CNKSR3: variants seen among roughly 807,000 people sequenced by gnomAD.
The protein encoded by CNKSR3 is connector enhancer of kinase suppressor of ras 3.
Under a neutral mutation model 67.7 loss-of-function variants are expected in CNKSR3, and 36 were observed. That is an observed-to-expected ratio of 0.53 (90% CI 0.41 to 0.70). The LOEUF (loss-of-function observed/expected upper bound fraction) is 0.70. CNKSR3 is among the 30% of genes least tolerant of loss of function. The probability of loss-of-function intolerance (pLI) is 0.00; values close to 1 mark genes in which losing one functional copy is unlikely to be tolerated. For missense variants in CNKSR3, 630 were observed against 695.2 expected (o/e 0.91, Z 1.05); for synonymous variants, 281 against 271.4 (o/e 1.04, Z -0.35).
At chr6:154,435,231 G>A (rs1785447802) in intron 4 of CNKSR3, among the ~76,000 whole-genome samples, 1 of 152,014 alleles carries the variant, frequency 6.6e-6, no homozygotes, top group Admixed American at 6.6e-5. Context: ...CTAGACTCAA[G>A]CCATCCACCT....
At chr6:154,455,751 C>G (rs866277031) in intron 1 of CNKSR3, among the ~76,000 whole-genome samples, 2 of 152,092 alleles carry the variant, frequency 1.3e-5, no homozygotes, top group South Asian at 4.1e-4. Context: ...AAATAAGCAA[C>G]TAAACTATTG....
At chr6:154,448,368 A>G (rs1016065110) in intron 2 of CNKSR3, among the ~76,000 whole-genome samples, 8 of 150,710 alleles carry the variant, frequency 5.3e-5, no homozygotes, top group Middle Eastern at 3.4e-3. Context: ...CAAAACATCA[A>G]GCAGAAAAGA....
At chr6:154,428,299 A>G in intron 6 of CNKSR3, 112 bp from the exon 7 acceptor site, 1 of 700,524 alleles carries the variant, frequency 1.4e-6, no homozygotes, top group South Asian at 1.7e-5. Flanking sequence ...AACAATACTC[A>G]TTTTTCAGCC....
chr6:154,472,796 TA>T (rs923589117), intron 1 of CNKSR3, among the ~76,000 whole-genome samples: 2 of 77,624 alleles, frequency 2.6e-5, no homozygotes, highest in African/African-American at 6.2e-5. Flanking sequence ...AGTACATCTT[TA>T]AAAGGAAAAA....
chr6:154,488,091 A>T (rs1786715062), intron 1 of CNKSR3, among the ~76,000 whole-genome samples: 1 of 152,234 alleles, frequency 6.6e-6, no homozygotes, highest in Non-Finnish European at 1.5e-5. Context: ...AACTAGCAAT[A>T]ACAACGATAA....
rs1787188575 is a variant in CNKSR3 at position 154,510,225 on chromosome 6, C to T, written c.-111G>A. 1 of 1,276,726 alleles carries T rather than the reference C, an allele frequency of 7.8e-7. No individual in the cohort carries two copies. Among genetic ancestry groups the T allele is most frequent in the Non-Finnish European group, 1.1e-6 (1 of 891,800 alleles). The allele number at this position is 1,276,726 out of a possible 1,614,324, so 79.1% of individuals were successfully genotyped here. A position where few individuals can be genotyped will look rare whatever the true frequency, so the allele number is the denominator to read the frequency against. ...GCGCCCGCGGCTGCTCCCCTGCGCC[C>T]GAGCGACTCCGTCAAGACTGCATGG... On this transcript the variant is annotated 5_prime_UTR_variant, in exon 1 of 13. Transcript: ENST00000607772.
intron 12 of CNKSR3, among the ~76,000 whole-genome samples, chr6:154,408,749 T>C (rs1009744570): frequency 6.6e-6 from 1 of 152,206 alleles, no homozygotes; most frequent in Non-Finnish European, 1.5e-5. Context: ...CCTGACTGTA[T>C]ATTTTAAAAA....
intron 9 of CNKSR3, among the ~76,000 whole-genome samples, chr6:154,420,313 G>A (rs940709819): frequency 6.6e-6 from 1 of 152,124 alleles, no homozygotes; most frequent in East Asian, 1.9e-4. Flanking sequence ...GGGGAATCCT[G>A]GTCAAAGGGT....
chr6:154,470,808 G>A (rs1425042888), intron 1 of CNKSR3, among the ~76,000 whole-genome samples: 2 of 152,178 alleles, frequency 1.3e-5, no homozygotes, highest in Non-Finnish European at 2.9e-5. Context: ...ACCTAGGAGT[G>A]GAACTGTTGA....
At chr6:154,463,107 T>C (rs1786116772) in intron 1 of CNKSR3, among the ~76,000 whole-genome samples, 2 of 151,716 alleles carry the variant, frequency 1.3e-5, no homozygotes, top group South Asian at 4.2e-4. Flanking sequence ...TTTCTTTTTT[T>C]CTTTCCTTTT....
intron 8 of CNKSR3, 79 bp from the exon 9 acceptor site, chr6:154,422,731 C>T: frequency 6.7e-7 from 1 of 1,498,374 alleles, no homozygotes; most frequent in Non-Finnish European, 9.3e-7. Context: ...TATCTCAGGG[C>T]AGTCAGGGTT....
intron 2 of CNKSR3, among the ~76,000 whole-genome samples, chr6:154,444,870 G>T (rs1562336002): frequency 6.6e-6 from 1 of 152,126 alleles, no homozygotes; most frequent in Non-Finnish European, 1.5e-5. Context: ...CTCCCAAAGT[G>T]CTGGGATTAC....
chr6:154,466,782 G>A (rs1402064290), intron 1 of CNKSR3, among the ~76,000 whole-genome samples: 1 of 133,742 alleles, frequency 7.5e-6, no homozygotes, highest in African/African-American at 3.1e-5. Context: ...ATCACGCCCA[G>A]CTAATTTTTT....
chr6:154,437,409 TC>T (rs1785493181), intron 4 of CNKSR3, among the ~76,000 whole-genome samples: 3 of 127,680 alleles, frequency 2.3e-5, no homozygotes, highest in African/African-American at 8.8e-5. Context: ...GCACCTATGT[TC>T]TTTTTTTTTT....
chr6:154,474,784 G>C (rs888656642), intron 1 of CNKSR3, among the ~76,000 whole-genome samples: 2 of 152,144 alleles, frequency 1.3e-5, no homozygotes, highest in African/African-American at 4.8e-5. Flanking sequence ...CAAGGGTTTG[G>C]ACCAGGTTCA....
At chr6:154,445,496 C>T (rs1030063452) in intron 2 of CNKSR3, among the ~76,000 whole-genome samples, 1 of 152,196 alleles carries the variant, frequency 6.6e-6, no homozygotes, top group Non-Finnish European at 1.5e-5. Flanking sequence ...CATTCGGTCA[C>T]TCAGCCTGCC....
rs575155684 is a variant in CNKSR3, at chr6:154,507,672, T to G, written c.52+2391A>C. ...ACGTATCCAGGTCTTTCTACTAAGC[T>G]GTATTTCAGGGTCCAAAAGGGCACA... On this transcript the variant is annotated intron_variant, in intron 1 of 12. Coordinates refer to ENST00000607772, the MANE Select transcript of CNKSR3 (RefSeq NM_173515.4). Among the ~76,000 whole-genome samples the G allele has an allele frequency of 3.8e-4, 58 of 152,300 alleles. No individual in the cohort carries two copies. In the South Asian group the frequency reaches 0.011, roughly 28 times the overall value.
intron 1 of CNKSR3, among the ~76,000 whole-genome samples, chr6:154,462,032 C>T (rs1786091156): frequency 6.6e-6 from 1 of 152,232 alleles, no homozygotes; most frequent in African/African-American, 2.4e-5. Flanking sequence ...GCAGGTTTGC[C>T]AGGCAGCATT....
rs1784587869 is a variant in CNKSR3 at position 154,389,869 on chromosome 6, A to G, written c.*16485T>C. On this transcript the variant is annotated 3_prime_UTR_variant, in exon 13 of 13. Transcript: ENST00000607772. ...GAGGTGAAAGACTTGTATACTGAAAACTACAAAATACTGATGAAATAAATT... is the reference window on the plus strand; with the variant it reads ...GAGGTGAAAGACTTGTATACTGAAAGCTACAAAATACTGATGAAATAAATT... The G allele has an allele frequency of 6.6e-6, 1 of 152,214 alleles. No individual in the cohort carries two copies. The highest frequency in any genetic ancestry group is 2.4e-5 in the African/African-American group (1 of 41,450). The allele number at this position is 152,214 out of a possible 1,614,324, so 9.4% of individuals were successfully genotyped here.
Sources: gnomAD v4.1 joint callset for allele counts (sites outside exome capture counted in the v4.1 genomes callset) on GRCh38, gnomAD v4.1.1 for gene constraint, MANE v1.5 for transcripts, NCBI Gene and HGNC (gene_info 2026-07-23, HGNC 2026-07-21) for gene names.